The following E2F1 variants were observed in gnomAD, a reference collection of about 807,000 sequenced individuals.
The protein encoded by E2F1 is E2F transcription factor 1.
Under a neutral mutation model 36.9 loss-of-function variants are expected in E2F1, and 7 were observed. The ratio of observed to expected loss-of-function variants is 0.19; its 90% CI spans 0.11 to 0.36. The LOEUF (loss-of-function observed/expected upper bound fraction) is 0.36. Ranked by LOEUF, E2F1 falls within the 10% of genes least tolerant of loss-of-function variation. The pLI is 1.00. For missense variants in E2F1, 406 were observed against 573.6 expected, an observed-to-expected ratio of 0.71 and a Z score of 2.99; for synonymous variants, 261 against 263.1, an observed-to-expected ratio of 0.99 and a Z score of 0.08.
chr20:33,676,857 C>A lies in E2F1; in HGVS notation c.1189G>T (p.Glu397Ter). Residue 397 changes from glutamate (E) to a stop codon, truncating the protein, a stop_gained, in exon 7 of 7, where the codon GAG (glutamate) becomes TAG (stop). Transcript: ENST00000343380. LOFTEE classifies it high-confidence loss of function. ...GGTGGGGAAAGGCTGATGAACTCCT[C>A]AGGGAGGAGGCCGGAGAAGTCCTCC... Reference protein sequence around the residue: ...VREDFSGLLPEEFISLSPPHE... With the variant: ...VREDFSGLLP The A allele has an allele frequency of 6.3e-7, 1 of 1,589,738 alleles. No homozygotes were observed. The highest frequency in any genetic ancestry group is 1.7e-5 in the Admixed American group (1 of 57,286).
At position 33,686,242 on chromosome 20, in the gene E2F1, G is replaced by T. The variant is rs974575261; in HGVS notation, c.23C>A (p.Ala8Glu). MALAGAP[A>E]GGPCAPALEA... ...CAGCGCCGGCGCGCATGGGCCGCCC[G>T]CAGGGGCCCCGGCCAAGGCCATGAC... Residue 8 changes from alanine (A) to glutamate (E), a missense_variant, in exon 1 of 7, where the codon GCG becomes GAG. Transcript: ENST00000343380. 7 of 1,020,492 alleles carry T rather than the reference G, an allele frequency of 6.9e-6. No homozygotes were observed. In the African/African-American group the frequency reaches 1.2e-4, roughly 18 times the overall value. 63.2% of individuals were successfully genotyped at this position (1,020,492 alleles called of 1,614,324 possible).
chr20:33,679,012 A>G lies in E2F1; in HGVS notation c.573-659T>C, dbSNP rs2122545111. Among the ~76,000 whole-genome samples the G allele has an allele frequency of 6.6e-6, 1 of 152,350 alleles. No homozygotes were observed. Among genetic ancestry groups the G allele is most frequent in the East Asian group, 1.9e-4 (1 of 5,188 alleles). On this transcript the variant is annotated intron_variant, in intron 3 of 6. Coordinates refer to ENST00000343380, the MANE Select transcript of E2F1 (RefSeq NM_005225.3). This position sits in a 1 kb window ranked among gnomAD's most constrained non-coding sequence, Gnocchi z 4.6. ...ACGATCTACCAAAAAATGAAACGGCAGGTGTATCAAAGAAAGGGTAGTAGC... is the reference window on the plus strand; with the variant it reads ...ACGATCTACCAAAAAATGAAACGGCGGGTGTATCAAAGAAAGGGTAGTAGC...
At chr20:33,677,632 C>G (rs2017977731) in intron 4 of E2F1, 92 bp from the exon 5 acceptor site, 2 of 924,320 alleles carry the variant, frequency 2.2e-6, no homozygotes, top group East Asian at 5.0e-5. Context: ...TGCCTAGTCA[C>G]TCCTGTCCTC....
Position 33,676,462 on chromosome 20 carries a change from ACACACACATGCT to A in E2F1, c.*258_*269del, listed in dbSNP as rs1336430815. ...TTCACCTTCATTCCCCGGTACATGC[ACACACACATGCT>A]CACACACATTCACCCCCGGTACACA... On this transcript the variant is annotated 3_prime_UTR_variant, in exon 7 of 7. Transcript: ENST00000343380. 3 of 436,340 alleles carry A rather than the reference ACACACACATGCT, an allele frequency of 6.9e-6. No individual in the cohort carries two copies. Among genetic ancestry groups the A allele is most frequent in the Non-Finnish European group, 8.2e-6 (2 of 244,990 alleles). 27.0% of individuals were successfully genotyped at this position (436,340 alleles called of 1,614,324 possible).
At chr20:33,678,104 G>A (rs2017982052) in intron 4 of E2F1, 97 bp downstream of exon 4, 1 of 1,424,160 alleles carries the variant, frequency 7.0e-7, no homozygotes, top group Non-Finnish European at 9.4e-7. Flanking sequence ...ACCAAAATCA[G>A]AGCTCTCTCT....
chr20:33,677,362 G>C, intron 5 of E2F1, 32 bp from the exon 6 acceptor site: 1 of 1,610,880 alleles, frequency 6.2e-7, no homozygotes. Context: ...GGTAAACTGA[G>C]GCCCAGGTGA....
At chr20:33,681,822 T>G (rs555020108) in intron 1 of E2F1, among the ~76,000 whole-genome samples, 1 of 152,264 alleles carries the variant, frequency 6.6e-6, no homozygotes, top group South Asian at 2.1e-4. Context: ...CTGGTCTCCC[T>G]GCCTCTGCTG....
chr20:33,679,654 C>A lies in E2F1; in HGVS notation c.572+101G>T. The A allele has an allele frequency of 1.8e-6, 2 of 1,103,312 alleles. No homozygotes were observed. Among genetic ancestry groups the A allele is most frequent in the Non-Finnish European group, 2.8e-6 (2 of 722,958 alleles). The allele number at this position is 1,103,312 out of a possible 1,614,324, so 68.3% of individuals were successfully genotyped here. ...CTCCTCTCTGAGCCCGTTTCCCCAG[C>A]TATAAGATGGGGATGCAGGCAGCCA... On this transcript the variant is annotated intron_variant, in intron 3 of 6. Transcript: ENST00000343380. This position sits in a 1 kb window ranked among gnomAD's most constrained non-coding sequence, Gnocchi z 4.6.
chr20:33,678,696 A>G (rs1008939817), intron 3 of E2F1, among the ~76,000 whole-genome samples: 4 of 151,578 alleles, frequency 2.6e-5, no homozygotes, highest in African/African-American at 9.7e-5. Context: ...GCTTATACCT[A>G]TAATCCCAGC....
chr20:33,686,276 C>G lies in E2F1; in HGVS notation c.-12G>C. The G allele has an allele frequency of 3.0e-6, 3 of 1,002,076 alleles. No homozygotes were observed. The highest frequency in any genetic ancestry group is 3.6e-6 in the Non-Finnish European group (3 of 842,256). The allele number at this position is 1,002,076 out of a possible 1,614,324, so 62.1% of individuals were successfully genotyped here. ...CCGGCCAAGGCCATGACGCTCACGG[C>G]CCGCGCGGCCCGGGTGACAGGCGGC... On this transcript the variant is annotated 5_prime_UTR_variant, in exon 1 of 7. Transcript: ENST00000343380.
rs1434158366 is a variant in E2F1, at chr20:33,680,376, A to G, written c.302T>C (p.Leu101Pro). The change falls in exon 2 of 7, where the codon CTG becomes CCG. Residue 101 changes from leucine (L) to proline (P), a missense_variant. Physicochemically the swap from Leu to Pro is moderately conservative, Grantham distance 98. Transcript: ENST00000343380. The part of the protein sequence containing the change: ...RLDLETDHQY[L>P]AESSGPARGR... ...CCGAGCTGGCCCACTGCTCTCGGCC[A>G]GGTACTGATGGTCAGTTTCCAGGTC... 6 of 1,614,058 alleles carry G rather than the reference A, an allele frequency of 3.7e-6. No individual in the cohort carries two copies. Among genetic ancestry groups the G allele is most frequent in the Non-Finnish European group, 4.2e-6 (5 of 1,180,040 alleles).
At chr20:33,684,413 C>A (rs1235698894) in intron 1 of E2F1, among the ~76,000 whole-genome samples, 2 of 152,132 alleles carry the variant, frequency 1.3e-5, no homozygotes, top group Non-Finnish European at 2.9e-5. Context: ...CCCCTCCCAC[C>A]CACTCATTAA....
At position 33,680,429 on chromosome 20, in the gene E2F1, C is replaced by T. The variant is rs1470739692; in HGVS notation, c.262-13G>A. The T allele has an allele frequency of 1.4e-5, 22 of 1,612,098 alleles. No individual in the cohort carries two copies. Among genetic ancestry groups the T allele is most frequent in the South Asian group, 3.3e-5 (3 of 90,604 alleles). On this transcript the variant is annotated splice_polypyrimidine_tract_variant and intron_variant, in intron 1 of 6. Transcript: ENST00000343380. ...GCCTCCGCTTCACCTGTGGCGAAAA[C>T]GGGAGGATGCCCAGTAACCAGGAGT...
intron 2 of E2F1, 145 bp from the exon 3 acceptor site, chr20:33,680,119 G>T: frequency 1.1e-6 from 1 of 913,656 alleles, no homozygotes; most frequent in Non-Finnish European, 1.7e-6. Flanking sequence ...GCCAACCACA[G>T]CATTCTTCTT....
rs749248311 is a variant in E2F1, at chr20:33,680,427, A to C, written c.262-11T>G. The C allele has an allele frequency of 6.2e-6, 10 of 1,612,612 alleles. No individual in the cohort carries two copies. The South Asian group carries it at 1.1e-4, about 18-fold the overall frequency. ...CAGCCTCCGCTTCACCTGTGGCGAAAACGGGAGGATGCCCAGTAACCAGGA... is the reference window on the plus strand; with the variant it reads ...CAGCCTCCGCTTCACCTGTGGCGAACACGGGAGGATGCCCAGTAACCAGGA... On this transcript the variant is annotated splice_polypyrimidine_tract_variant and intron_variant, in intron 1 of 6. Transcript: ENST00000343380.
In E2F1 at chr20:33,684,537, C is replaced by T. The variant is rs2018047542; in HGVS notation, c.261+1467G>A. 2.6e-5 allele frequency among the ~76,000 whole-genome samples: 4 copies of T among 152,364 alleles called. 1 individual carries two copies. The South Asian group carries it at 8.3e-4, about 32-fold the overall frequency. ...GAGGAAACGCAGACTGCTCTCCCCA[C>T]TCAAGAGCAGAATGACATGGGAAGA... is the stretch of plus-strand genomic sequence containing the variant. On this transcript the variant is annotated intron_variant, in intron 1 of 6. Coordinates refer to ENST00000343380, the MANE Select transcript of E2F1 (RefSeq NM_005225.3).
intron 1 of E2F1, among the ~76,000 whole-genome samples, chr20:33,683,539 G>C (rs1343639728): frequency 2.6e-5 from 4 of 151,644 alleles, no homozygotes; most frequent in Non-Finnish European, 5.9e-5. Flanking sequence ...TTGAGAGGCT[G>C]AGACAGTCAG....
Position 33,678,359 on chromosome 20 carries a change from G to T in E2F1, c.573-6C>A. On this transcript the variant is annotated splice_region_variant and splice_polypyrimidine_tract_variant and intron_variant, in intron 3 of 6. Transcript: ENST00000343380. ...CCACTGTGGTGTGGCTGCCCCTGTG[G>T]GGAGGCACCAGGGAGGGTAGGGTTA... 6.2e-7 allele frequency: 1 copy of T among 1,611,754 alleles called. No individual in the cohort carries two copies.
At position 33,680,524 on chromosome 20, in the gene E2F1, A is replaced by G. The variant is rs1474483997; in HGVS notation, c.262-108T>C. Reference sequence around the variant, plus strand: ...CCCTCGCCTCAGTTTCTCTAGCAGGATGCCTGAGTGTGTGACTGAGGGAGA... The same window carrying G: ...CCCTCGCCTCAGTTTCTCTAGCAGGGTGCCTGAGTGTGTGACTGAGGGAGA... On this transcript the variant is annotated intron_variant, in intron 1 of 6. Coordinates refer to ENST00000343380, the MANE Select transcript of E2F1 (RefSeq NM_005225.3). The G allele has an allele frequency of 2.9e-5, 26 of 895,076 alleles. No individual in the cohort carries two copies. The Admixed American group carries it at 4.2e-4, about 14-fold the overall frequency. The allele number at this position is 895,076 out of a possible 1,614,324, so 55.4% of individuals were successfully genotyped here. A position where few individuals can be genotyped will look rare whatever the true frequency, so the allele number is the denominator to read the frequency against.
Sources: allele counts gnomAD v4.1 joint callset (sites outside exome capture counted in the v4.1 genomes callset), GRCh38; gene constraint gnomAD v4.1.1; non-coding constraint Gnocchi (gnomAD v3.1); transcripts MANE v1.5; gene names NCBI Gene and HGNC (gene_info 2026-07-23, HGNC 2026-07-21).